COP1: variants seen among roughly 807,000 people sequenced by gnomAD.
The protein encoded by COP1 is E3 ubiquitin-protein ligase COP1.
In COP1, 24 loss-of-function variants were observed where a neutral mutation model predicts 101.3. The ratio of observed to expected loss-of-function variants is 0.24; its 90% CI spans 0.17 to 0.33. The LOEUF is 0.33. COP1 is among the 10% of genes least tolerant of loss of function. The pLI, the probability that COP1 is intolerant of heterozygous loss-of-function variation, is 1.00. For missense variants in COP1, 663 were observed against 906.2 expected (o/e 0.73, Z 3.45); for synonymous variants, 347 against 341.9 (o/e 1.01, Z -0.17).
At chr1:175,951,314 G>T (rs1413302081) in intron 18 of COP1, among the ~76,000 whole-genome samples, 5 of 149,594 alleles carry the variant, frequency 3.3e-5, no homozygotes, top group Admixed American at 6.7e-5. Context: ...GTTGAGAAAT[G>T]AACAGTTATT....
At chr1:176,145,415 C>T (rs1307001519) in intron 6 of COP1, among the ~76,000 whole-genome samples, 1 of 152,102 alleles carries the variant, frequency 6.6e-6, no homozygotes, top group Admixed American at 6.6e-5. Flanking sequence ...GGAAGAATAA[C>T]TAATACAACT....
At chr1:176,199,703 T>C (rs1700079280) in intron 1 of COP1, among the ~76,000 whole-genome samples, 2 of 152,182 alleles carry the variant, frequency 1.3e-5, no homozygotes, top group Admixed American at 6.5e-5. Context: ...TCCATTAATA[T>C]GAAATTCCAG....
intron 6 of COP1, among the ~76,000 whole-genome samples, chr1:176,148,350 A>G (rs1377174145): frequency 6.6e-6 from 1 of 152,054 alleles, no homozygotes; most frequent in Non-Finnish European, 1.5e-5. Flanking sequence ...CTAATTAGAC[A>G]ATTCTTAACA....
At chr1:176,120,580 C>A (rs1278070114) in intron 8 of COP1, among the ~76,000 whole-genome samples, 1 of 152,002 alleles carries the variant, frequency 6.6e-6, no homozygotes, top group Non-Finnish European at 1.5e-5. Context: ...CAGTGAGAAG[C>A]TTTGCTAAAA....
chr1:175,991,825 G>A (rs1261308113), intron 15 of COP1, among the ~76,000 whole-genome samples: 8 of 152,104 alleles, frequency 5.3e-5, no homozygotes, highest in African/African-American at 1.4e-4. Flanking sequence ...TCCACGTTTT[G>A]TCTCACTGAA....
At chr1:176,151,210 G>A (rs564335164) in intron 5 of COP1, among the ~76,000 whole-genome samples, 227 of 148,822 alleles carry the variant, frequency 1.5e-3, no homozygotes, top group African/African-American at 5.0e-3. Flanking sequence ...ATAAGGAAGC[G>A]TGTAAGAAAA....
At chr1:176,158,369 T>C (rs1363698828) in intron 5 of COP1, among the ~76,000 whole-genome samples, 2 of 152,052 alleles carry the variant, frequency 1.3e-5, no homozygotes, top group African/African-American at 4.8e-5. Flanking sequence ...CCTCTCGCCG[T>C]CCTGCACTAA....
At chr1:176,080,629 T>C (rs537671766) in intron 11 of COP1, among the ~76,000 whole-genome samples, 1 of 152,286 alleles carries the variant, frequency 6.6e-6, no homozygotes, top group East Asian at 1.9e-4. Context: ...GGCAATATTA[T>C]GAATAATTGT....
chr1:176,148,596 A>G (rs1393045247), intron 6 of COP1, among the ~76,000 whole-genome samples: 4 of 152,112 alleles, frequency 2.6e-5, no homozygotes, highest in Non-Finnish European at 5.9e-5. Context: ...CCCAAGTTCT[A>G]AATAGGTAGC....
chr1:176,061,191 C>T (rs1674774367), intron 11 of COP1, among the ~76,000 whole-genome samples: 1 of 152,206 alleles, frequency 6.6e-6, no homozygotes, highest in Non-Finnish European at 1.5e-5. Flanking sequence ...AAGAGACATA[C>T]AGATCAATAC....
At chr1:176,185,304 A>G (rs1698306736) in intron 1 of COP1, among the ~76,000 whole-genome samples, 1 of 152,224 alleles carries the variant, frequency 6.6e-6, no homozygotes, top group South Asian at 2.1e-4. Flanking sequence ...GAGGGAACAG[A>G]AGCAGAGAGC....
chr1:176,013,472 C>G (rs1436492462), intron 15 of COP1, among the ~76,000 whole-genome samples: 2 of 152,140 alleles, frequency 1.3e-5, no homozygotes, highest in East Asian at 3.9e-4. Flanking sequence ...ATTTAAGTTT[C>G]ATTTAATGAG....
intron 15 of COP1, among the ~76,000 whole-genome samples, chr1:175,998,420 C>A (rs756573459): frequency 6.6e-6 from 1 of 150,922 alleles, no homozygotes; most frequent in Non-Finnish European, 1.5e-5. Flanking sequence ...ATGTAACTAA[C>A]CTGCACATTG....
At chr1:175,982,342 C>A (rs889692168) in intron 18 of COP1, 5 of 456,178 alleles carry the variant, frequency 1.1e-5, no homozygotes, top group African/African-American at 1.0e-4. Context: ...CCTTGGAAAA[C>A]ACAGGTTTGA....
intron 1 of COP1, among the ~76,000 whole-genome samples, chr1:176,186,895 T>C (rs1440581372): frequency 6.6e-6 from 1 of 152,054 alleles, no homozygotes; most frequent in African/African-American, 2.4e-5. Context: ...TCAGTGAAGG[T>C]TTCTGGCCTG....
At chr1:176,147,750 G>T (rs980863040) in intron 6 of COP1, among the ~76,000 whole-genome samples, 1 of 152,150 alleles carries the variant, frequency 6.6e-6, no homozygotes, top group East Asian at 1.9e-4. Flanking sequence ...TGTTGTGGGA[G>T]GCCATGGGCC....
At chr1:176,171,447 T>C (rs1007467207) in intron 3 of COP1, among the ~76,000 whole-genome samples, 3 of 152,216 alleles carry the variant, frequency 2.0e-5, no homozygotes, top group Admixed American at 1.3e-4. Flanking sequence ...GGCTGGTATA[T>C]ATCCAGACTA....
chr1:176,099,336 T>G (rs1207298938), intron 9 of COP1, among the ~76,000 whole-genome samples: 1 of 152,224 alleles, frequency 6.6e-6, no homozygotes, highest in African/African-American at 2.4e-5. Flanking sequence ...AAGAGTTAAC[T>G]AAATGAACTG....
intron 7 of COP1, among the ~76,000 whole-genome samples, 153 bp from the exon 8 acceptor site, chr1:176,135,239 T>C (rs1021982263): frequency 2.0e-5 from 3 of 152,082 alleles, no homozygotes; most frequent in African/African-American, 7.2e-5. Context: ...CTCCACAGAA[T>C]ACAAAAGCAA....
Sources: allele counts gnomAD v4.1 joint callset (sites outside exome capture counted in the v4.1 genomes callset), GRCh38; gene constraint gnomAD v4.1.1; transcripts MANE v1.5; gene names NCBI Gene and HGNC (gene_info 2026-07-23, HGNC 2026-07-21).